DRC8: variants seen among roughly 807,000 people sequenced by gnomAD.
DRC8 encodes the protein dynein regulatory complex protein 8.
the DRC8 span, among the ~76,000 whole-genome samples, chr1:245,081,140 A>T: frequency 1.4e-5 from 2 of 145,484 alleles, no homozygotes; most frequent in African/African-American, 4.9e-5. Flanking sequence ...TATTTTATTT[A>T]TTTTTTATTT....
At chr1:245,014,247 G>T in the DRC8 span, among the ~76,000 whole-genome samples, 3 of 152,016 alleles carry the variant, frequency 2.0e-5, no homozygotes, top group East Asian at 5.8e-4. Context: ...CAGTAACTTC[G>T]ACATAGGGTT....
At chr1:245,120,657 G>T in the DRC8 span, among the ~76,000 whole-genome samples, 48 of 152,046 alleles carry the variant, frequency 3.2e-4, no homozygotes, top group Admixed American at 9.2e-4. Flanking sequence ...TTTATTTTGG[G>T]TGTGTCTCTT....
the DRC8 span, among the ~76,000 whole-genome samples, chr1:245,029,269 A>C: frequency 6.6e-6 from 1 of 152,192 alleles, no homozygotes; most frequent in East Asian, 1.9e-4. Context: ...TTTGGAGGCC[A>C]ACTTTGGTTG....
At chr1:245,077,993 A>G in the DRC8 span, among the ~76,000 whole-genome samples, 22 of 152,240 alleles carry the variant, frequency 1.4e-4, no homozygotes, top group Middle Eastern at 3.4e-3. Flanking sequence ...CATATAAGGA[A>G]CTCAGACAAC....
chr1:245,032,211 T>A, the DRC8 span, among the ~76,000 whole-genome samples: 26 of 152,260 alleles, frequency 1.7e-4, no homozygotes, highest in African/African-American at 5.8e-4. Flanking sequence ...AGGGAGAAGA[T>A]TTGCTTATAG....
the DRC8 span, among the ~76,000 whole-genome samples, chr1:245,118,493 G>T: frequency 5.9e-5 from 9 of 152,054 alleles, no homozygotes; most frequent in African/African-American, 2.2e-4. Context: ...ACTACGTGCT[G>T]TAAAACAATG....
the DRC8 span, among the ~76,000 whole-genome samples, chr1:245,118,795 AAAAAG>A: frequency 0.014 from 1,978 of 138,556 alleles, 19 homozygotes; most frequent in Middle Eastern, 0.028. Flanking sequence ...GCCATCTCAA[AAAAAG>A]AAAAGAAAAG....
the DRC8 span, among the ~76,000 whole-genome samples, chr1:245,029,968 C>G: frequency 6.6e-6 from 1 of 152,166 alleles, no homozygotes. Context: ...GAGCCAGAGG[C>G]TGTCTGAGGA....
At chr1:245,112,110 T>C in the DRC8 span, among the ~76,000 whole-genome samples, 2 of 152,266 alleles carry the variant, frequency 1.3e-5, no homozygotes, top group African/African-American at 4.8e-5. Context: ...GTTTCGCTCT[T>C]GTTGCCCAGG....
At chr1:245,024,170 CA>C in the DRC8 span, among the ~76,000 whole-genome samples, 221 of 143,320 alleles carry the variant, frequency 1.5e-3, no homozygotes, top group South Asian at 0.016. Context: ...ACTCTTATCT[CA>C]AAAAAAAAAA....
chr1:245,114,370 C>G, the DRC8 span, among the ~76,000 whole-genome samples: 1 of 151,758 alleles, frequency 6.6e-6, no homozygotes, highest in Non-Finnish European at 1.5e-5. Flanking sequence ...GAGGCTGAGG[C>G]AGAAGAATTG....
At chr1:244,979,037 C>A in the DRC8 span, among the ~76,000 whole-genome samples, 1 of 152,066 alleles carries the variant, frequency 6.6e-6, no homozygotes, top group Non-Finnish European at 1.5e-5. Context: ...GGGAGAGTCA[C>A]CTGATTCACA....
chr1:244,976,130 G>T, the DRC8 span, among the ~76,000 whole-genome samples: 1 of 151,944 alleles, frequency 6.6e-6, no homozygotes, highest in Non-Finnish European at 1.5e-5. Context: ...TTAGTTGGGT[G>T]TGGTGGTGGT....
At chr1:245,090,856 G>T in the DRC8 span, among the ~76,000 whole-genome samples, 471 of 152,166 alleles carry the variant, frequency 3.1e-3, 4 homozygotes, top group African/African-American at 0.011. Context: ...TCTTAGAAAT[G>T]TTCCAGTTTA....
the DRC8 span, among the ~76,000 whole-genome samples, chr1:245,100,113 G>A: frequency 2.0e-5 from 3 of 152,222 alleles, no homozygotes; most frequent in Non-Finnish European, 2.9e-5. Flanking sequence ...GGCCGGGCAC[G>A]GTGGCTCACG....
chr1:245,087,238 C>T, the DRC8 span: 2 of 1,602,750 alleles, frequency 1.2e-6, no homozygotes, highest in Admixed American at 1.8e-5. Flanking sequence ...CTTTTTGTCT[C>T]TCTGAGGTGA....
the DRC8 span, among the ~76,000 whole-genome samples, chr1:244,982,351 TA>T: frequency 6.6e-6 from 1 of 152,150 alleles, no homozygotes; most frequent in African/African-American, 2.4e-5. Flanking sequence ...TCAAGGAATT[TA>T]AAGAACTGTG....
At chr1:245,118,066 C>G in the DRC8 span, among the ~76,000 whole-genome samples, 2 of 152,224 alleles carry the variant, frequency 1.3e-5, no homozygotes, top group African/African-American at 4.8e-5. Context: ...CTGAGAATTC[C>G]ATTACTCAAG....
chr1:245,071,269 C>G, the DRC8 span, among the ~76,000 whole-genome samples: 1 of 152,164 alleles, frequency 6.6e-6, no homozygotes, highest in Non-Finnish European at 1.5e-5. Flanking sequence ...TTGCTGTGAA[C>G]AGAGCACTAA....
Sources: allele counts gnomAD v4.1 joint callset (sites outside exome capture counted in the v4.1 genomes callset), GRCh38; gene constraint gnomAD v4.1.1; transcripts MANE v1.5; gene names NCBI Gene and HGNC (gene_info 2026-07-23, HGNC 2026-07-21).